The following CLASP1 variants were observed in gnomAD, a reference collection of about 807,000 sequenced individuals.
CLASP1 encodes the protein CLIP-associating protein 1.
A neutral mutation model predicts 192.3 loss-of-function variants in CLASP1; 38 were observed. The observed-to-expected ratio is 0.20, with a 90% CI of 0.15 to 0.26. CLASP1 has a LOEUF of 0.26. CLASP1 is among the 10% of genes least tolerant of loss of function. CLASP1 has a pLI of 1.00. For synonymous variants in CLASP1, 691 were observed against 712.8 expected (o/e 0.97, Z 0.49); for missense variants, 1,433 against 1,932.5 (o/e 0.74, Z 4.85).
intron 8 of CLASP1, among the ~76,000 whole-genome samples, chr2:121,478,961 CACCA>C (rs2092287791): frequency 1.3e-5 from 1 of 74,458 alleles, no homozygotes; most frequent in African/African-American, 5.6e-5. Context: ...CACACACACA[CACCA>C]CACACACCAC....
intron 8 of CLASP1, among the ~76,000 whole-genome samples, chr2:121,478,935 C>T (rs1394304393): frequency 3.7e-5 from 1 of 27,016 alleles, no homozygotes; most frequent in Non-Finnish European, 7.8e-5. Context: ...CCACACAACA[C>T]CCCCCACACA....
chr2:121,463,925 A>G (rs1175513691), intron 9 of CLASP1, among the ~76,000 whole-genome samples: 1 of 151,894 alleles, frequency 6.6e-6, no homozygotes, highest in East Asian at 1.9e-4. Context: ...TACATGTGCC[A>G]TGCTGGTGCG....
At chr2:121,566,661 C>T (rs2059530831) in intron 2 of CLASP1, among the ~76,000 whole-genome samples, 1 of 152,222 alleles carries the variant, frequency 6.6e-6, no homozygotes, top group Non-Finnish European at 1.5e-5. Context: ...AAATTACTTT[C>T]AGATGCCACT....
At position 121,398,251 on chromosome 2, in the gene CLASP1, T is replaced by A. The variant is rs1029543553; in HGVS notation, c.2979+71A>T. ...ATTCACAATAGCTAAACATGGGTCA[T>A]ACATAAACAAAAGTAAATTTAAACA... On this transcript the variant is annotated intron_variant, in intron 29 of 39. Coordinates refer to ENST00000263710, the Ensembl canonical transcript of CLASP1. 14 of 1,115,978 alleles carry A rather than the reference T, an allele frequency of 1.3e-5. No individual in the cohort carries two copies. The African/African-American group carries it at 2.0e-4, about 16-fold the overall frequency. The allele number at this position is 1,115,978 out of a possible 1,614,324, so 69.1% of individuals were successfully genotyped here. A position where few individuals can be genotyped will look rare whatever the true frequency, so the allele number is the denominator to read the frequency against.
chr2:121,421,689 C>T (rs939168289), intron 22 of CLASP1, among the ~76,000 whole-genome samples: 3 of 152,118 alleles, frequency 2.0e-5, no homozygotes, highest in African/African-American at 4.8e-5. Flanking sequence ...ATTACAGGCA[C>T]GCACCACCAC....
rs568531637 is a variant in CLASP1 at position 121,409,117 on chromosome 2, T to C, written c.2425-1402A>G. ...ATTATGTCAGAAGCATATGTAGGGA[T>C]TGTTCTTGCAACAAAAGTGTACAGC... On this transcript the variant is annotated intron_variant, in intron 24 of 39. Coordinates refer to ENST00000263710, the Ensembl canonical transcript of CLASP1. 5.0e-5 allele frequency: 66 copies of C among 1,318,564 alleles called. 1 individual carries two copies. In the South Asian group the frequency reaches 8.5e-4, roughly 17 times the overall value. The allele number at this position is 1,318,564 out of a possible 1,614,324, so 81.7% of individuals were successfully genotyped here.
At chr2:121,515,595 G>C (rs1160045249) in intron 7 of CLASP1, 70 bp downstream of exon 7, 4 of 1,004,596 alleles carry the variant, frequency 4.0e-6, no homozygotes, top group Non-Finnish European at 4.4e-6. Flanking sequence ...TGCAAATCAA[G>C]ATATTAACTG....
At chr2:121,584,750 CAA>C (rs1184186352) in intron 2 of CLASP1, among the ~76,000 whole-genome samples, 2 of 152,138 alleles carry the variant, frequency 1.3e-5, no homozygotes, top group East Asian at 3.8e-4. Context: ...CATTACAATG[CAA>C]AGACACTCAG....
chr2:121,586,968 C>A (rs1427919803), intron 2 of CLASP1, among the ~76,000 whole-genome samples: 1 of 152,140 alleles, frequency 6.6e-6, no homozygotes, highest in Non-Finnish European at 1.5e-5. Context: ...CTGGGCTGGG[C>A]ACAGTGGCTC....
At chr2:121,428,816 C>A (rs780246408) in intron 20 of CLASP1, among the ~76,000 whole-genome samples, 1 of 152,166 alleles carries the variant, frequency 6.6e-6, no homozygotes, top group Non-Finnish European at 1.5e-5. Context: ...ATAAAGCTTG[C>A]GTCCATTTAA....
chr2:121,503,511 G>C (rs901629788), intron 7 of CLASP1, among the ~76,000 whole-genome samples: 1 of 152,192 alleles, frequency 6.6e-6, no homozygotes, highest in Non-Finnish European at 1.5e-5. Flanking sequence ...TTCTAGCCCT[G>C]AGAGTAGTAA....
At chr2:121,493,508 A>C (rs1307252211) in intron 8 of CLASP1, among the ~76,000 whole-genome samples, 1 of 152,230 alleles carries the variant, frequency 6.6e-6, no homozygotes. Context: ...AAATGAATTA[A>C]AGAGTTAAAC....
chr2:121,580,845 T>C (rs2061048944), intron 2 of CLASP1, among the ~76,000 whole-genome samples: 1 of 152,214 alleles, frequency 6.6e-6, no homozygotes, highest in South Asian at 2.1e-4. Context: ...TTTCAAGCCA[T>C]TGTGATGCAG....
intron 2 of CLASP1, among the ~76,000 whole-genome samples, chr2:121,535,114 C>G (rs1202153327): frequency 6.6e-6 from 1 of 152,064 alleles, no homozygotes; most frequent in Non-Finnish European, 1.5e-5. Flanking sequence ...GCCACCTCTA[C>G]GAAAAAATAC....
rs193231876 is a variant in CLASP1, at chr2:121,509,721, C to T, written c.644+5944G>A. 1.3e-3 allele frequency among the ~76,000 whole-genome samples: 193 copies of T among 152,096 alleles called. 1 individual carries two copies. The highest frequency in any genetic ancestry group is 1.7e-3 in the Admixed American group (26 of 15,282). The stretch of plus-strand genomic sequence containing the variant: ...GGTGTGGTGGTATACATCTGTAATC[C>T]CAGCTACTTGGGAGACTGAGGCACA... On this transcript the variant is annotated intron_variant, in intron 7 of 39. Coordinates refer to ENST00000263710, the Ensembl canonical transcript of CLASP1.
chr2:121,561,776 T>A (rs1404194400), intron 2 of CLASP1, among the ~76,000 whole-genome samples: 1 of 152,182 alleles, frequency 6.6e-6, no homozygotes, highest in African/African-American at 2.4e-5. Flanking sequence ...TAAAGGATGG[T>A]GCAAGTATTT....
At chr2:121,511,825 ATC>A (rs2094145274) in intron 7 of CLASP1, among the ~76,000 whole-genome samples, 1 of 152,200 alleles carries the variant, frequency 6.6e-6, no homozygotes, top group African/African-American at 2.4e-5. Flanking sequence ...ATCTAGTTGA[ATC>A]TCTGTGTGTA....
intron 11 of CLASP1, 27 bp downstream of exon 11, chr2:121,461,074 T>C (rs867630100): frequency 7.5e-7 from 1 of 1,337,722 alleles, no homozygotes; most frequent in Middle Eastern, 1.8e-4. Context: ...CTTATGAAAA[T>C]GTAATCACAT....
chr2:121,542,296 AC>A (rs2095251044), intron 2 of CLASP1, among the ~76,000 whole-genome samples: 1 of 152,232 alleles, frequency 6.6e-6, no homozygotes, highest in Non-Finnish European at 1.5e-5. Flanking sequence ...AAAAGAAAAC[AC>A]ACTGTATACT....
Sources: allele counts gnomAD v4.1 joint callset (sites outside exome capture counted in the v4.1 genomes callset), GRCh38; gene constraint gnomAD v4.1.1; transcripts MANE v1.5; gene names NCBI Gene and HGNC (gene_info 2026-07-23, HGNC 2026-07-21).